EPB41L4A: variants seen among roughly 807,000 people sequenced by gnomAD.
The protein encoded by EPB41L4A is band 4.1-like protein 4A.
In EPB41L4A, 100 loss-of-function variants were observed where a neutral mutation model predicts 108.6. The ratio of observed to expected loss-of-function variants is 0.92; its 90% confidence interval spans 0.78 to 1.09. EPB41L4A has a LOEUF of 1.09. Ranked by LOEUF, EPB41L4A falls within the 50% of genes least tolerant of loss-of-function variation. The pLI is 0.00. For synonymous variants in EPB41L4A, 319 were observed against 289.0 expected, an observed-to-expected ratio of 1.10 and a Z score of -1.05; for missense variants, 1,030 against 842.7, an observed-to-expected ratio of 1.22 and a Z score of -2.75.
At chr5:112,263,008 AC>A (rs1484436885) in intron 6 of EPB41L4A, among the ~76,000 whole-genome samples, 1 of 152,194 alleles carries the variant, frequency 6.6e-6, no homozygotes. Context: ...TGGGGCTGCC[AC>A]CACCCAACTG....
In EPB41L4A at chr5:112,244,872, C is replaced by T. The variant is rs188580157; in HGVS notation, c.796-4062G>A. Among the ~76,000 whole-genome samples the T allele has an allele frequency of 4.1e-3, 630 of 152,166 alleles. 3 individuals carry two copies. The highest frequency in any genetic ancestry group is 5.8e-3 in the Non-Finnish European group (393 of 68,010). On this transcript the variant is annotated intron_variant, in intron 9 of 22. Transcript: ENST00000261486. The stretch of plus-strand genomic sequence containing the variant: ...CATTAGAAAGTAGAGCCTTATCAAG[C>T]GCCCGTGCCCTTGTTATCTACCTAA...
chr5:112,402,701 C>T (rs1040381884), intron 1 of EPB41L4A, among the ~76,000 whole-genome samples: 3 of 152,166 alleles, frequency 2.0e-5, no homozygotes, highest in Non-Finnish European at 4.4e-5. Flanking sequence ...TTTTCTATGA[C>T]ACCAGATGGG....
intron 1 of EPB41L4A, among the ~76,000 whole-genome samples, chr5:112,361,278 G>A (rs1459428692): frequency 1.3e-5 from 2 of 152,114 alleles, no homozygotes; most frequent in Non-Finnish European, 2.9e-5. Flanking sequence ...ATGGATTAAG[G>A]GCGGTGCAAG....
At chr5:112,391,463 G>C (rs1250475192) in intron 1 of EPB41L4A, among the ~76,000 whole-genome samples, 1 of 152,182 alleles carries the variant, frequency 6.6e-6, no homozygotes, top group Non-Finnish European at 1.5e-5. Context: ...ATTCGATCAA[G>C]TGGAAGAAAG....
At chr5:112,200,965 T>G (rs1266410028) in intron 15 of EPB41L4A, among the ~76,000 whole-genome samples, 1 of 152,162 alleles carries the variant, frequency 6.6e-6, no homozygotes, top group Non-Finnish European at 1.5e-5. Flanking sequence ...AAAATATAAT[T>G]TCCTATTATT....
At chr5:112,222,029 T>G (rs1748089735) in intron 12 of EPB41L4A, among the ~76,000 whole-genome samples, 2 of 152,224 alleles carry the variant, frequency 1.3e-5, no homozygotes, top group Admixed American at 1.3e-4. Context: ...ATGGTCTACC[T>G]AATGCTCCTT....
chr5:112,182,060 A>G (rs1415869648), intron 18 of EPB41L4A, among the ~76,000 whole-genome samples: 2 of 149,460 alleles, frequency 1.3e-5, no homozygotes, highest in African/African-American at 2.4e-5. Context: ...GTGACAGAGA[A>G]AAAAAAAAAA....
intron 9 of EPB41L4A, among the ~76,000 whole-genome samples, chr5:112,247,396 C>T (rs927702065): frequency 1.3e-5 from 2 of 152,086 alleles, no homozygotes; most frequent in Non-Finnish European, 2.9e-5. Flanking sequence ...TACCCCTGCC[C>T]CTCTACCACT....
chr5:112,364,997 T>C (rs1759033864), intron 1 of EPB41L4A, among the ~76,000 whole-genome samples: 2 of 152,204 alleles, frequency 1.3e-5, no homozygotes, highest in South Asian at 4.1e-4. Context: ...GGAAAATTAA[T>C]AAAAGATACC....
intron 1 of EPB41L4A, among the ~76,000 whole-genome samples, chr5:112,345,758 T>A (rs1404906675): frequency 7.5e-6 from 1 of 133,466 alleles, no homozygotes; most frequent in Non-Finnish European, 1.6e-5. Context: ...AGGATGCATA[T>A]ATATATATAC....
chr5:112,366,468 C>T (rs1401263333), intron 1 of EPB41L4A, among the ~76,000 whole-genome samples: 2 of 152,100 alleles, frequency 1.3e-5, no homozygotes, highest in African/African-American at 4.8e-5. Flanking sequence ...CAACAGGGAG[C>T]TGCTCCCAAC....
intron 7 of EPB41L4A, among the ~76,000 whole-genome samples, chr5:112,260,630 C>T (rs986770466): frequency 2.0e-5 from 3 of 152,020 alleles, no homozygotes; most frequent in African/African-American, 7.2e-5. Flanking sequence ...TAAGAGTGCT[C>T]AAAAATGTAA....
At chr5:112,371,684 T>C (rs1250717237) in intron 1 of EPB41L4A, among the ~76,000 whole-genome samples, 1 of 152,092 alleles carries the variant, frequency 6.6e-6, no homozygotes, top group African/African-American at 2.4e-5. Context: ...AAGATGACTA[T>C]AAACGTGGCA....
chr5:112,224,531 T>A (rs989746667), intron 12 of EPB41L4A, among the ~76,000 whole-genome samples: 3 of 152,152 alleles, frequency 2.0e-5, no homozygotes, highest in Non-Finnish European at 2.9e-5. Flanking sequence ...TACCCAATTA[T>A]TGTATTTTAT....
intron 1 of EPB41L4A, among the ~76,000 whole-genome samples, chr5:112,408,309 A>T (rs1269643621): frequency 2.0e-5 from 3 of 152,200 alleles, no homozygotes; most frequent in Non-Finnish European, 2.9e-5. Context: ...GGTTTCTCAG[A>T]TATGACACCA....
intron 1 of EPB41L4A, among the ~76,000 whole-genome samples, chr5:112,380,284 C>T (rs1326279273): frequency 1.3e-5 from 2 of 152,114 alleles, no homozygotes; most frequent in African/African-American, 4.8e-5. Flanking sequence ...AAGGTATCAA[C>T]CTATTTATAA....
intron 18 of EPB41L4A, among the ~76,000 whole-genome samples, chr5:112,181,236 G>A (rs923569850): frequency 2.6e-5 from 4 of 151,906 alleles, no homozygotes; most frequent in African/African-American, 4.8e-5. Context: ...CGGATCACGA[G>A]GTCAGGAGAT....
At chr5:112,204,542 C>T in intron 14 of EPB41L4A, 54 bp from the exon 15 acceptor site, 1 of 1,165,608 alleles carries the variant, frequency 8.6e-7, no homozygotes. Context: ...TGGGGGAAAA[C>T]ACACCGCAGC....
At chr5:112,155,244 T>C (rs1429773749) in intron 12 of EPB41L4A, among the ~76,000 whole-genome samples, 1 of 152,174 alleles carries the variant, frequency 6.6e-6, no homozygotes, top group Non-Finnish European at 1.5e-5. Flanking sequence ...AGAAGTTACC[T>C]CTTGTATTTA....
Sources: allele counts gnomAD v4.1 joint callset (sites outside exome capture counted in the v4.1 genomes callset), GRCh38; gene constraint gnomAD v4.1.1; transcripts MANE v1.5; gene names NCBI Gene and HGNC (gene_info 2026-07-23, HGNC 2026-07-21).